FOXP1: variants seen among roughly 807,000 people sequenced by gnomAD.
The protein encoded by FOXP1 is forkhead box protein P1.
In FOXP1, 15 loss-of-function variants were observed where a neutral mutation model predicts 98.2. The observed-to-expected ratio is 0.15, with a 90% CI of 0.10 to 0.24. FOXP1 has a LOEUF of 0.24. Ranked by LOEUF, FOXP1 falls within the 10% of genes least tolerant of loss-of-function variation. FOXP1 has a pLI of 1.00. For missense variants in FOXP1, 633 were observed against 848.5 expected (o/e 0.75, Z 3.15); for synonymous variants, 371 against 314.5 (o/e 1.18, Z -1.90).
At chr3:71,286,190 T>C (rs1327513902) in intron 5 of FOXP1, among the ~76,000 whole-genome samples, 2 of 152,206 alleles carry the variant, frequency 1.3e-5, no homozygotes, top group African/African-American at 4.8e-5. Context: ...CACAGTCATA[T>C]ATGCAAACCA....
chr3:71,440,684 A>G (rs1370925880), intron 3 of FOXP1, among the ~76,000 whole-genome samples: 2 of 149,796 alleles, frequency 1.3e-5, no homozygotes, highest in African/African-American at 5.0e-5. Context: ...TGACAGAGCA[A>G]GACTCTGTCT....
intron 6 of FOXP1, among the ~76,000 whole-genome samples, chr3:71,126,986 A>T (rs1432850131): frequency 6.6e-6 from 1 of 152,086 alleles, no homozygotes; most frequent in Non-Finnish European, 1.5e-5. Flanking sequence ...TTTTGAAATT[A>T]AAAGCACATT....
chr3:71,031,614 T>C (rs2046877595), intron 11 of FOXP1, among the ~76,000 whole-genome samples: 1 of 152,222 alleles, frequency 6.6e-6, no homozygotes, highest in Non-Finnish European at 1.5e-5. Context: ...CTGAGGCGGA[T>C]AATGATTTTC....
intron 7 of FOXP1, among the ~76,000 whole-genome samples, chr3:71,075,607 C>G (rs909077654): frequency 6.6e-6 from 1 of 152,154 alleles, no homozygotes; most frequent in African/African-American, 2.4e-5. Context: ...ACTTAAATCT[C>G]TAGGTTGTGG....
intron 7 of FOXP1, among the ~76,000 whole-genome samples, chr3:71,078,653 G>C (rs894512144): frequency 6.6e-6 from 1 of 151,882 alleles, no homozygotes; most frequent in Non-Finnish European, 1.5e-5. Flanking sequence ...GGCACGAAAA[G>C]CAGTTTTTCT....
At position 70,998,516 on chromosome 3, in the gene FOXP1, C is replaced by A. The variant is rs114406404; in HGVS notation, c.1062+2456G>T. Among the ~76,000 whole-genome samples, 1,484 of 152,250 alleles carry A rather than the reference C, an allele frequency of 9.7e-3. 12 individuals carry two copies. The highest frequency in any genetic ancestry group is 0.016 in the Non-Finnish European group (1,080 of 68,028). On this transcript the variant is annotated intron_variant, in intron 13 of 20. Coordinates refer to ENST00000649528, the MANE Select transcript of FOXP1 (RefSeq NM_001349338.3). The stretch of plus-strand genomic sequence containing the variant: ...TCCCTCAAGCTTTGCAGAAATGGAA[C>A]ACGTCAGAATTAGCCTGTCCCTTCT...
chr3:71,526,744 G>C (rs182908930), intron 2 of FOXP1, among the ~76,000 whole-genome samples: 156 of 152,210 alleles, frequency 1.0e-3, no homozygotes, highest in East Asian at 5.8e-3. Context: ...GAGGTGGGCG[G>C]ATCACCCAAG....
chr3:71,221,289 A>G lies in FOXP1; in HGVS notation c.-11-22897T>C, dbSNP rs543694408. 5.9e-5 allele frequency among the ~76,000 whole-genome samples: 9 copies of G among 152,318 alleles called. No homozygotes were observed. In the East Asian group the frequency reaches 1.7e-3, roughly 29 times the overall value. ...CTCCTGGTCAGAAAAATTGTCTTCC[A>G]CGAAACTGGTCCTTGGTGCCAAAAA... On this transcript the variant is annotated intron_variant, in intron 5 of 20. Coordinates refer to ENST00000649528, the MANE Select transcript of FOXP1 (RefSeq NM_001349338.3).
intron 3 of FOXP1, among the ~76,000 whole-genome samples, chr3:71,413,599 A>T (rs2082970769): frequency 6.6e-6 from 1 of 152,196 alleles, no homozygotes; most frequent in South Asian, 2.1e-4. Flanking sequence ...TGCCTCTTAG[A>T]TGTTGCCAAT....
At chr3:71,234,751 T>C (rs890637369) in intron 5 of FOXP1, among the ~76,000 whole-genome samples, 22 of 152,276 alleles carry the variant, frequency 1.4e-4, no homozygotes, top group Admixed American at 3.3e-4. Context: ...GTGGATAAGA[T>C]GATTGAAAAT....
chr3:71,386,177 G>A (rs2080557089), intron 3 of FOXP1, among the ~76,000 whole-genome samples: 1 of 152,154 alleles, frequency 6.6e-6, no homozygotes, highest in African/African-American at 2.4e-5. Flanking sequence ...CCGCTCTTCA[G>A]AACATCACAA....
intron 2 of FOXP1, among the ~76,000 whole-genome samples, chr3:71,504,554 C>T (rs2041662992): frequency 6.6e-6 from 1 of 152,144 alleles, no homozygotes; most frequent in African/African-American, 2.4e-5. Flanking sequence ...TTCAGCACAA[C>T]AGTAAGTAGA....
At chr3:71,006,204 C>T (rs1369312461) in intron 12 of FOXP1, among the ~76,000 whole-genome samples, 3 of 151,956 alleles carry the variant, frequency 2.0e-5, no homozygotes, top group East Asian at 1.9e-4. Flanking sequence ...ATGAGAATCT[C>T]GCTAGTACAG....
At chr3:71,307,536 G>C (rs747087867) in intron 4 of FOXP1, among the ~76,000 whole-genome samples, 3 of 152,142 alleles carry the variant, frequency 2.0e-5, no homozygotes, top group South Asian at 2.1e-4. Context: ...AACTGAAGAC[G>C]CTGATTTTGT....
At position 70,958,201 on chromosome 3, in the gene FOXP1, A is replaced by G. The variant is rs564312925; in HGVS notation, c.*1046T>C. 3 of 437,284 alleles carry G rather than the reference A, an allele frequency of 6.9e-6. No homozygotes were observed. The highest frequency in any genetic ancestry group is 1.3e-5 in the Non-Finnish European group (3 of 229,818). The allele number at this position is 437,284 out of a possible 1,614,324, so 27.1% of individuals were successfully genotyped here. On this transcript the variant is annotated 3_prime_UTR_variant, in exon 21 of 21. Transcript: ENST00000649528. ...GCATTTATTAATGGTTGCTGCAAAA[A>G]AAAAAAAAGAAAAGAAAAGAAAAAA...
intron 3 of FOXP1, among the ~76,000 whole-genome samples, chr3:71,424,406 AT>A (rs2083935360): frequency 6.6e-6 from 1 of 152,168 alleles, no homozygotes; most frequent in South Asian, 2.1e-4. Context: ...TAACCTTGCA[AT>A]GTTACCAATG....
chr3:71,529,587 T>G lies in FOXP1; in HGVS notation c.-297-36032A>C, dbSNP rs968147546. On this transcript the variant is annotated intron_variant, in intron 2 of 20. Coordinates refer to ENST00000649528, the MANE Select transcript of FOXP1 (RefSeq NM_001349338.3). ...AGCCTCTGACCTCCAAGTTCTGACT[T>G]CCAGAGAGGGGAGAGGGACTGAAGG... Among the ~76,000 whole-genome samples the G allele has an allele frequency of 9.9e-5, 15 of 152,272 alleles. 1 individual carries two copies. The South Asian group carries it at 2.7e-3, about 27-fold the overall frequency.
intron 2 of FOXP1, among the ~76,000 whole-genome samples, chr3:71,580,617 T>A (rs1214951044): frequency 6.6e-6 from 1 of 152,032 alleles, no homozygotes; most frequent in Non-Finnish European, 1.5e-5. Flanking sequence ...TTACTATTTC[T>A]TTAAAAATTC....
chr3:71,153,926 CAT>C (rs1560031342), intron 6 of FOXP1, among the ~76,000 whole-genome samples: 3 of 152,142 alleles, frequency 2.0e-5, no homozygotes, highest in African/African-American at 7.2e-5. Context: ...CTACTATACA[CAT>C]ATGACACGTA....
Sources: allele counts gnomAD v4.1 joint callset (sites outside exome capture counted in the v4.1 genomes callset), GRCh38; gene constraint gnomAD v4.1.1; transcripts MANE v1.5; gene names NCBI Gene and HGNC (gene_info 2026-07-23, HGNC 2026-07-21).